Variants in GALNT11 observed in about 807,000 individuals in gnomAD.
GALNT11 encodes UDP-GalNAc:polypeptide N-acetylgalactosaminyltransferase 11.
Under a neutral mutation model 72.7 loss-of-function variants are expected in GALNT11, and 47 were observed. The ratio of observed to expected loss-of-function variants is 0.65; its 90% CI spans 0.51 to 0.82. The LOEUF (loss-of-function observed/expected upper bound fraction) is 0.82, where lower values mean the gene tolerates loss of function less well. Among genes scored for constraint, GALNT11 ranks in the 40% least tolerant of loss-of-function variants. The pLI is 0.00. For missense variants in GALNT11, 677 were observed against 778.4 expected (o/e 0.87, Z 1.55); for synonymous variants, 270 against 286.6 (o/e 0.94, Z 0.58).
rs1426855728 is a variant in GALNT11, at chr7:152,093,511, C to T, written c.-38-679C>T. ...TGCAATCTTGGCTCACCACAACCTC[C>T]GCCTCCCGGGTTCAAGAGGTTCTGC... On this transcript the variant is annotated intron_variant, in intron 1 of 11. Coordinates refer to ENST00000430044, the MANE Select transcript of GALNT11 (RefSeq NM_022087.4). Among the ~76,000 whole-genome samples, 2 of 151,984 alleles carry T rather than the reference C, an allele frequency of 1.3e-5. 1 individual carries two copies. The highest frequency in any genetic ancestry group is 2.9e-5 in the Non-Finnish European group (2 of 68,000).
intron 1 of GALNT11, among the ~76,000 whole-genome samples, chr7:152,072,871 G>A (rs543705198): frequency 3.7e-4 from 56 of 152,290 alleles, no homozygotes; most frequent in East Asian, 5.8e-4. Context: ...GATTGCTGAC[G>A]GGCACCACCC....
chr7:152,121,385 T>C (rs73478979), intron 11 of GALNT11, among the ~76,000 whole-genome samples, 161 bp from the exon 12 acceptor site: 8,499 of 152,322 alleles, frequency 0.056, 415 homozygotes, highest in East Asian at 0.21. Flanking sequence ...AAATATCTTA[T>C]TGTATTGTGC....
intron 1 of GALNT11, among the ~76,000 whole-genome samples, chr7:152,092,602 GCAGA>G (rs2086111804): frequency 2.0e-5 from 3 of 152,030 alleles, no homozygotes; most frequent in Admixed American, 6.5e-5. Flanking sequence ...TTCTTGGTTG[GCAGA>G]CAGTTAAGAA....
rs2129009790 is a variant in GALNT11, at chr7:152,070,958, A to G, written c.-38-23232A>G. On this transcript the variant is annotated intron_variant, in intron 1 of 11. Transcript: ENST00000430044. ...CCACAAAAACCAGCAAGTTTTTATT[A>G]GGGATTTTCAAAAGGGGAAGGGAGT... 1.3e-5 allele frequency among the ~76,000 whole-genome samples: 2 copies of G among 152,312 alleles called. 1 individual carries two copies. The highest frequency in any genetic ancestry group is 4.1e-4 in the South Asian group (2 of 4,830).
chr7:152,027,597 T>G (rs527428587), intron 1 of GALNT11: 1 of 152,664 alleles, frequency 6.6e-6, no homozygotes, highest in East Asian at 1.9e-4. Flanking sequence ...GGTTTTATAG[T>G]CCTCTGTAAG....
chr7:152,047,610 T>C (rs1214514152), intron 1 of GALNT11, among the ~76,000 whole-genome samples: 6 of 151,930 alleles, frequency 3.9e-5, no homozygotes, highest in Admixed American at 1.3e-4. Flanking sequence ...GGTATGAGGA[T>C]TGCTTGAGCC....
At chr7:152,052,891 A>G (rs2083467719) in intron 1 of GALNT11, among the ~76,000 whole-genome samples, 1 of 152,198 alleles carries the variant, frequency 6.6e-6, no homozygotes, top group Admixed American at 6.5e-5. Context: ...ATCTTCTGTT[A>G]ATCCTCTCAA....
chr7:152,061,822 C>G (rs1432998464), intron 1 of GALNT11, among the ~76,000 whole-genome samples: 1 of 152,026 alleles, frequency 6.6e-6, no homozygotes, highest in Admixed American at 6.6e-5. Context: ...TTGTTCTGTT[C>G]CATTGGTCTA....
intron 11 of GALNT11, 39 bp from the exon 12 acceptor site, chr7:152,121,507 G>C (rs1488900177): frequency 1.3e-6 from 2 of 1,591,980 alleles, no homozygotes; most frequent in Non-Finnish European, 1.7e-6. Context: ...TGTTTTGCCA[G>C]TAATTGGCAG....
chr7:152,029,572 C>T (rs1465701361), intron 1 of GALNT11, among the ~76,000 whole-genome samples: 2 of 152,184 alleles, frequency 1.3e-5, no homozygotes, highest in African/African-American at 2.4e-5. Context: ...AATAAGACCT[C>T]GTTCAGTCCA....
At chr7:152,074,627 T>C (rs2084843199) in intron 1 of GALNT11, among the ~76,000 whole-genome samples, 1 of 152,106 alleles carries the variant, frequency 6.6e-6, no homozygotes, top group South Asian at 2.1e-4. Flanking sequence ...ACTTTTAGTA[T>C]ATTTGGAACC....
intron 1 of GALNT11, chr7:152,093,909 G>A (rs2086203260): frequency 3.9e-6 from 1 of 256,042 alleles, no homozygotes; most frequent in African/African-American, 2.2e-5. Flanking sequence ...ACTGAAAGCA[G>A]TCCAGAACAA....
At chr7:152,078,236 A>G (rs1259084552) in intron 1 of GALNT11, among the ~76,000 whole-genome samples, 1 of 152,112 alleles carries the variant, frequency 6.6e-6, no homozygotes, top group East Asian at 1.9e-4. Context: ...TTTTTTTTAG[A>G]CAGAGTTTCA....
At chr7:152,054,503 C>CTTTTTTTTT in intron 1 of GALNT11, among the ~76,000 whole-genome samples, 1 of 72,108 alleles carries the variant, frequency 1.4e-5, no homozygotes, top group Non-Finnish European at 2.9e-5. Context: ...TTTTTCTTGT[C>CTTTTTTTTT]TTTTTTTTTT....
chr7:152,069,977 CTT>C (rs567631964), intron 1 of GALNT11, among the ~76,000 whole-genome samples: 1 of 148,340 alleles, frequency 6.7e-6, no homozygotes, highest in African/African-American at 2.6e-5. Flanking sequence ...TTTTTTCTTT[CTT>C]TTTTCTTTTT....
chr7:152,047,692 G>A (rs2083202836), intron 1 of GALNT11, among the ~76,000 whole-genome samples: 1 of 149,960 alleles, frequency 6.7e-6, no homozygotes, highest in Non-Finnish European at 1.5e-5. Flanking sequence ...GACACCGTGT[G>A]TGTGTGTGTG....
At chr7:152,032,969 A>G (rs1241483695) in intron 1 of GALNT11, among the ~76,000 whole-genome samples, 1 of 152,240 alleles carries the variant, frequency 6.6e-6, no homozygotes, top group Non-Finnish European at 1.5e-5. Context: ...CCTTGAGGAC[A>G]GTCGTCCGGG....
At chr7:152,051,469 A>G (rs1339914290) in intron 1 of GALNT11, among the ~76,000 whole-genome samples, 1 of 151,982 alleles carries the variant, frequency 6.6e-6, no homozygotes, top group Non-Finnish European at 1.5e-5. Flanking sequence ...GTGATGGACT[A>G]GTTTTGCTTA....
At chr7:152,062,723 T>C (rs1349491078) in intron 1 of GALNT11, among the ~76,000 whole-genome samples, 1 of 152,210 alleles carries the variant, frequency 6.6e-6, no homozygotes, top group East Asian at 1.9e-4. Flanking sequence ...ATTGAGATAA[T>C]CGTGTGGTTT....
Sources: allele counts gnomAD v4.1 joint callset (sites outside exome capture counted in the v4.1 genomes callset), GRCh38; gene constraint gnomAD v4.1.1; transcripts MANE v1.5; gene names NCBI Gene and HGNC (gene_info 2026-07-23, HGNC 2026-07-21).